Variants in DDX27 observed in about 807,000 individuals in gnomAD.
The protein encoded by DDX27 is probable ATP-dependent RNA helicase DDX27.
Under a neutral mutation model 99.3 loss-of-function variants are expected in DDX27, and 42 were observed. The ratio of observed to expected loss-of-function variants is 0.42; its 90% CI spans 0.33 to 0.55. DDX27 has a LOEUF of 0.55. DDX27 is among the 20% of genes least tolerant of loss of function. DDX27 has a pLI of 0.07. For synonymous variants in DDX27, 329 were observed against 353.8 expected, an observed-to-expected ratio of 0.93 and a Z score of 0.79; for missense variants, 798 against 976.8, an observed-to-expected ratio of 0.82 and a Z score of 2.44.
chr20:49,241,677 CAT>C (rs1666536881), intron 16 of DDX27: 2 of 611,190 alleles, frequency 3.3e-6, no homozygotes. Context: ...CCATGTTGGC[CAT>C]GCTGATCCCA....
intron 16 of DDX27, among the ~76,000 whole-genome samples, chr20:49,241,511 C>T (rs575289148): frequency 4.7e-5 from 7 of 150,340 alleles, no homozygotes; most frequent in Non-Finnish European, 7.4e-5. Flanking sequence ...CTCGCTCTGT[C>T]GCCCAGGCTG....
Position 49,226,487 on chromosome 20 carries a change from G to T in DDX27, c.658G>T (p.Val220Leu). 1 of 1,614,096 alleles carries T rather than the reference G, an allele frequency of 6.2e-7. No individual in the cohort carries two copies. Among genetic ancestry groups the T allele is most frequent in the Non-Finnish European group, 8.5e-7 (1 of 1,179,982 alleles). The change falls in exon 7 of 21, where the codon GTG (valine) becomes TTG (leucine). Residue 220 changes from valine (V) to leucine (L), a missense_variant. By Grantham distance (32) the Val-to-Leu change is conservative (BLOSUM62 1). Coordinates refer to ENST00000618172, the MANE Select transcript of DDX27 (RefSeq NM_017895.8). Reference protein sequence around the residue: ...PTPIQKACIPVGLLGKDICAC... With the variant: ...PTPIQKACIPLGLLGKDICAC... ...CCCGATCCAGAAGGCGTGCATACCT[G>T]TGGGTCTATTGGGGAAGGACATCTG...
chr20:49,221,181 T>G (rs1979663943), intron 1 of DDX27, among the ~76,000 whole-genome samples: 1 of 152,174 alleles, frequency 6.6e-6, no homozygotes, highest in South Asian at 2.1e-4. Flanking sequence ...AGGCTGGTCT[T>G]GAACTCCTGA....
chr20:49,233,627 C>G lies in DDX27; in HGVS notation c.1191C>G (p.Asn397Lys), dbSNP rs757952261. ...KNPVRIFVNS[N>K]TDVAPFLRQE... is the part of the protein sequence containing the mutation. ...CTGTCCGGATATTTGTGAACAGCAA[C>G]ACAGATGTGGCTCCCTTCCTGCGGC... The change falls in exon 11 of 21, where the codon AAC becomes AAG. Residue 397 changes from asparagine to lysine, a missense_variant. Asn to Lys is a moderately conservative substitution (Grantham distance 94). This residue lies in a region of DDX27 where 553 missense variants were observed against 727.9 expected (regional missense o/e 0.76). Coordinates refer to ENST00000618172, the MANE Select transcript of DDX27 (RefSeq NM_017895.8). 9.3e-6 allele frequency: 15 copies of G among 1,614,116 alleles called. No individual in the cohort carries two copies. The highest frequency in any genetic ancestry group is 1.3e-5 in the Non-Finnish European group (15 of 1,179,966).
rs532091154 is a variant in DDX27, at chr20:49,220,056, G to A, written c.93+515G>A. The stretch of plus-strand genomic sequence containing the variant: ...GTATGGCAATTAAAGAGGTATTGGT[G>A]TTCTGAAAAGGATGCTTGCCCTTCA... On this transcript the variant is annotated intron_variant, in intron 1 of 20. Transcript: ENST00000618172. 5.3e-5 allele frequency among the ~76,000 whole-genome samples: 8 copies of A among 152,226 alleles called. No individual in the cohort carries two copies. In the South Asian group the frequency reaches 1.7e-3, roughly 32 times the overall value.
chr20:49,231,714 C>T (rs1292892654), intron 9 of DDX27, among the ~76,000 whole-genome samples: 1 of 152,164 alleles, frequency 6.6e-6, no homozygotes, highest in Non-Finnish European at 1.5e-5. Context: ...TGACCAACCT[C>T]ACATCCACAG....
At position 49,230,338 on chromosome 20, in the gene DDX27, C is replaced by T. The variant is rs150518737; in HGVS notation, c.1020C>T (p.Asp340=). Residue 340 remains aspartate, a synonymous_variant, in exon 9 of 21, where the codon GAC becomes GAT. Coordinates refer to ENST00000618172, the MANE Select transcript of DDX27 (RefSeq NM_017895.8). Reference sequence around the variant, plus strand: ...GCAGCATCGAGGTGCTCATCCTGGACGAGGCTGACAGGTGCTCCTCACAGC... The same window carrying T: ...GCAGCATCGAGGTGCTCATCCTGGATGAGGCTGACAGGTGCTCCTCACAGC... The part of the protein sequence containing the change: ...HLSSIEVLIL[D]EADRMLDEYF... 132 of 1,607,794 alleles carry T rather than the reference C, an allele frequency of 8.2e-5. No homozygotes were observed. In the African/African-American group the frequency reaches 9.9e-4, roughly 12 times the overall value.
At chr20:49,221,198 G>C (rs997722385) in intron 1 of DDX27, among the ~76,000 whole-genome samples, 1 of 152,088 alleles carries the variant, frequency 6.6e-6, no homozygotes, top group Non-Finnish European at 1.5e-5. Context: ...CTGACCTTGT[G>C]ATCCACCCAC....
chr20:49,242,511 T>A (rs1455792108), intron 18 of DDX27, 83 bp from the exon 19 acceptor site: 3 of 1,362,632 alleles, frequency 2.2e-6, no homozygotes, highest in Admixed American at 3.8e-5. Context: ...TCCACTGAAC[T>A]TGGAATCATT....
chr20:49,228,420 G>A (rs982149131), intron 7 of DDX27, among the ~76,000 whole-genome samples: 1 of 151,798 alleles, frequency 6.6e-6, no homozygotes, highest in African/African-American at 2.4e-5. Context: ...ACAGGCTCCC[G>A]CCACCATGCC....
chr20:49,219,825 T>C (rs1979573463), intron 1 of DDX27, among the ~76,000 whole-genome samples: 1 of 151,872 alleles, frequency 6.6e-6, no homozygotes, highest in Admixed American at 6.6e-5. Flanking sequence ...GCAGGTTTCT[T>C]ACACCTTGTA....
intron 1 of DDX27, 54 bp downstream of exon 1, chr20:49,219,595 A>T: frequency 6.5e-7 from 1 of 1,530,590 alleles, no homozygotes; most frequent in Non-Finnish European, 8.8e-7. Context: ...CTTCCTCGCG[A>T]TTCCTCAGGT....
chr20:49,242,107 A>C lies in DDX27; in HGVS notation c.2017A>C (p.Ile673Leu), dbSNP rs983260173. 1.9e-6 allele frequency: 3 copies of C among 1,614,084 alleles called. No homozygotes were observed. In the African/African-American group the frequency reaches 4.0e-5, roughly 22 times the overall value. ...GGCAGAGGAAAGGTCTCAGTTTGAA[A>C]TCCTCAAGGCGCAGATGTTTGCTGA... ...MTAEERSQFEILKAQMFAERL... is the reference protein window; with the variant it reads ...MTAEERSQFELLKAQMFAERL... The change falls in exon 18 of 21, where the codon ATC (isoleucine) becomes CTC (leucine). Residue 673 changes from isoleucine to leucine, a missense_variant. By Grantham distance (5) the Ile-to-Leu change is conservative. Around this residue, in one of 2 missense-constraint regions of DDX27, gnomAD observed 553 missense variants for 727.9 expected, o/e 0.76. Transcript: ENST00000618172.
At chr20:49,225,888 C>T (rs544206644) in intron 6 of DDX27, among the ~76,000 whole-genome samples, 2 of 152,266 alleles carry the variant, frequency 1.3e-5, no homozygotes, top group Admixed American at 6.5e-5. Flanking sequence ...CCTTCTGGCC[C>T]TCTCTGACGA....
At chr20:49,234,303 G>GC (rs1199434296) in intron 11 of DDX27, 2 of 149,288 alleles carry the variant, frequency 1.3e-5, no homozygotes, top group Admixed American at 1.3e-4. Flanking sequence ...TTGCTCTGTC[G>GC]CCCAGGCTGG....
intron 16 of DDX27, 43 bp from the exon 17 acceptor site, chr20:49,241,847 AAAG>A: frequency 6.3e-7 from 1 of 1,595,920 alleles, no homozygotes; most frequent in Non-Finnish European, 8.6e-7. Context: ...AAGCTTAAAA[AAAG>A]ATAAAATCAT....
Position 49,230,317 on chromosome 20 carries a change from C to T in DDX27, c.999C>T (p.Ser333=). ...LHNCPSFHLS[S]IEVLILDEAD... ...ACTGCCCTTCCTTCCACCTGAGCAG[C>T]ATCGAGGTGCTCATCCTGGACGAGG... The change falls in exon 9 of 21, where the codon AGC becomes AGT. Residue 333 remains serine, a synonymous_variant. Transcript: ENST00000618172. 1 of 1,610,960 alleles carries T rather than the reference C, an allele frequency of 6.2e-7. No homozygotes were observed. The highest frequency in any genetic ancestry group is 1.3e-5 in the African/African-American group (1 of 75,062).
chr20:49,226,740 G>T (rs572539051), intron 7 of DDX27, among the ~76,000 whole-genome samples: 1 of 151,494 alleles, frequency 6.6e-6, no homozygotes, highest in African/African-American at 2.4e-5. Flanking sequence ...TCAAGCGATC[G>T]ATTTTCCCAT....
At chr20:49,241,414 A>T (rs1030286441) in intron 16 of DDX27, among the ~76,000 whole-genome samples, 1 of 152,192 alleles carries the variant, frequency 6.6e-6, no homozygotes, top group African/African-American at 2.4e-5. Flanking sequence ...GAAATAGTCA[A>T]AAAAGCATGT....
Sources: gnomAD v4.1 joint callset for allele counts (sites outside exome capture counted in the v4.1 genomes callset) on GRCh38, gnomAD v4.1.1 for gene constraint, gnomAD v4.1.1 regional missense constraint, MANE v1.5 for transcripts, NCBI Gene and HGNC (gene_info 2026-07-23, HGNC 2026-07-21) for gene names.